The following PCTP variants were observed in gnomAD, a reference collection of about 807,000 sequenced individuals.
PCTP encodes phosphatidylcholine transfer protein, also known as START domain-containing protein 2.
A neutral mutation model predicts 31.0 loss-of-function variants in PCTP; 27 were observed. That is an observed-to-expected ratio of 0.87 (90% confidence interval 0.64 to 1.20). PCTP has a LOEUF of 1.20. Among genes scored for constraint, PCTP ranks in the 50% most tolerant of loss-of-function variants. The pLI, the probability that PCTP is intolerant of heterozygous loss-of-function variation, is 0.00. For synonymous variants in PCTP, 108 were observed against 101.2 expected (o/e 1.07, Z -0.40); for missense variants, 287 against 268.2 (o/e 1.07, Z -0.49).
chr17:55,789,081 A>T (rs1026631771), intron 3 of PCTP, among the ~76,000 whole-genome samples: 2 of 152,216 alleles, frequency 1.3e-5, no homozygotes, highest in African/African-American at 2.4e-5. Flanking sequence ...GAGTAATTAT[A>T]TTCACACTTT....
intron 1 of PCTP, among the ~76,000 whole-genome samples, chr17:55,766,026 A>T (rs927767048): frequency 6.6e-6 from 1 of 152,230 alleles, no homozygotes; most frequent in East Asian, 1.9e-4. Context: ...TCACCTGATT[A>T]CATAGATGTC....
downstream of PCTP, among the ~76,000 whole-genome samples, chr17:55,843,924 A>G (rs1906064600): frequency 6.6e-6 from 1 of 152,206 alleles, no homozygotes; most frequent in Admixed American, 6.5e-5. Context: ...CACTAATGTC[A>G]GTGACAGAGA....
chr17:55,838,335 G>C (rs1905845406), intron 5 of PCTP, among the ~76,000 whole-genome samples: 1 of 150,510 alleles, frequency 6.6e-6, no homozygotes, highest in African/African-American at 2.5e-5. Context: ...TGCAATAGAG[G>C]TTGTCCCTAC....
At chr17:55,790,675 ACATT>A (rs1313657892) in intron 3 of PCTP, among the ~76,000 whole-genome samples, 1 of 151,698 alleles carries the variant, frequency 6.6e-6, no homozygotes, top group Non-Finnish European at 1.5e-5. Context: ...AAATGGAAGA[ACATT>A]CCATGCACAT....
chr17:55,831,389 A>C (rs1905590435), intron 5 of PCTP, among the ~76,000 whole-genome samples: 1 of 152,192 alleles, frequency 6.6e-6, no homozygotes, highest in Non-Finnish European at 1.5e-5. Context: ...AAGGCTGGAC[A>C]ACTGAGGAGG....
At chr17:55,774,723 C>T in intron 4 of PCTP, 69 bp from the exon 5 acceptor site, 1 of 1,263,032 alleles carries the variant, frequency 7.9e-7, no homozygotes, top group East Asian at 2.3e-5. Context: ...ATAAAGTTTG[C>T]ACAGTTTTGT....
chr17:55,774,684 C>T (rs1290778090), intron 4 of PCTP, 108 bp from the exon 5 acceptor site: 4 of 890,740 alleles, frequency 4.5e-6, no homozygotes, highest in African/African-American at 1.6e-5. Flanking sequence ...CTACCTCCCT[C>T]TGCAGTTTCT....
chr17:55,757,859 A>G lies in PCTP; in HGVS notation c.141+6615A>G, dbSNP rs140434964. Among the ~76,000 whole-genome samples, 786 of 152,264 alleles carry G rather than the reference A, an allele frequency of 5.2e-3. 8 individuals are homozygous for G. Among genetic ancestry groups the G allele is most frequent in the African/African-American group, 0.018 (731 of 41,548 alleles). ...TAGAGATGAGATGCAATGGAAATTG[A>G]AAGATGAAAGTGAGACCAAAAAATG... is the stretch of plus-strand genomic sequence containing the variant. On this transcript the variant is annotated intron_variant, in intron 1 of 5. Coordinates refer to ENST00000268896, the MANE Select transcript of PCTP (RefSeq NM_021213.4).
At chr17:55,822,661 G>T in intron 3 of PCTP, 1 of 492,174 alleles carries the variant, frequency 2.0e-6, no homozygotes, top group South Asian at 1.1e-4. Flanking sequence ...ATCCTTCCAT[G>T]ACTATCCAAA....
chr17:55,801,858 T>C (rs1188139256), intron 3 of PCTP, among the ~76,000 whole-genome samples: 3 of 151,752 alleles, frequency 2.0e-5, no homozygotes, highest in Non-Finnish European at 2.9e-5. Flanking sequence ...AAGAAATAAC[T>C]AAGATCAGAG....
chr17:55,851,110 G>T, the PCTP span, among the ~76,000 whole-genome samples: 1 of 152,128 alleles, frequency 6.6e-6, no homozygotes, highest in Non-Finnish European at 1.5e-5. Flanking sequence ...TATGAAAATG[G>T]ACTAGGGCAA....
downstream of PCTP, among the ~76,000 whole-genome samples, chr17:55,823,344 T>TA (rs1263220750): frequency 1.3e-5 from 2 of 152,236 alleles, no homozygotes; most frequent in Non-Finnish European, 2.9e-5. Context: ...ATTGACAGAA[T>TA]ATTCTACACC....
Position 55,774,954 on chromosome 17 carries a change from A to T in PCTP, c.579+95A>T. 7 of 1,339,470 alleles carry T rather than the reference A, an allele frequency of 5.2e-6. No individual in the cohort carries two copies. The South Asian group carries it at 8.2e-5, about 16-fold the overall frequency. 83.0% of individuals were successfully genotyped at this position (1,339,470 alleles called of 1,614,324 possible). A position where few individuals can be genotyped will look rare whatever the true frequency, so the allele number is the denominator to read the frequency against. On this transcript the variant is annotated intron_variant, in intron 5 of 5. Transcript: ENST00000268896. ...CGGGGCTGTCAGGCTGAAGAGACACATTGTCTCAGGCGTAATGAGGCTCTT... is the reference window on the plus strand; with the variant it reads ...CGGGGCTGTCAGGCTGAAGAGACACTTTGTCTCAGGCGTAATGAGGCTCTT...
At chr17:55,786,396 T>G (rs543377815) in intron 2 of PCTP, among the ~76,000 whole-genome samples, 2 of 152,204 alleles carry the variant, frequency 1.3e-5, no homozygotes, top group African/African-American at 4.8e-5. Context: ...AGATACCTAA[T>G]GTAAATGATG....
Position 55,776,701 on chromosome 17 carries a change from C to T in PCTP, c.*601C>T. 8.2e-7 allele frequency: 1 copy of T among 1,212,216 alleles called. No individual in the cohort carries two copies. Among genetic ancestry groups the T allele is most frequent in the Non-Finnish European group, 1.0e-6 (1 of 975,984 alleles). 75.1% of individuals were successfully genotyped at this position (1,212,216 alleles called of 1,614,324 possible). On this transcript the variant is annotated 3_prime_UTR_variant, in exon 6 of 6. Transcript: ENST00000268896. ...ATAATCCAGTAAGTCTTTCCTCGTT[C>T]CTACTTGTGGAGGATCAGTAGCTGT... is the stretch of plus-strand genomic sequence containing the variant.
chr17:55,816,319 GTCTGGATATTTCTCTATGAAATAT>G (rs1036235560), intron 3 of PCTP, among the ~76,000 whole-genome samples: 54 of 152,230 alleles, frequency 3.5e-4, no homozygotes, highest in African/African-American at 5.1e-4. Flanking sequence ...CTATGAAATT[GTCTGGATATTTCTCTATGAAATAT>G]TCTGGATATT....
intron 3 of PCTP, among the ~76,000 whole-genome samples, chr17:55,801,759 G>C (rs1252401862): frequency 2.6e-5 from 4 of 152,176 alleles, no homozygotes; most frequent in Non-Finnish European, 2.9e-5. Context: ...ACAGGAGAAA[G>C]TGGGCAAGAT....
chr17:55,845,404 C>T (rs73990971), downstream of PCTP, among the ~76,000 whole-genome samples: 3,778 of 152,246 alleles, frequency 0.025, 136 homozygotes, highest in African/African-American at 0.085. Flanking sequence ...GCCCTAGCGT[C>T]TCTCCATCCC....
At chr17:55,848,083 C>A in the PCTP span, among the ~76,000 whole-genome samples, 1 of 152,060 alleles carries the variant, frequency 6.6e-6, no homozygotes, top group Non-Finnish European at 1.5e-5. Flanking sequence ...CCACCACACC[C>A]GGCTAATTTT....
Sources: gnomAD v4.1 joint callset for allele counts (sites outside exome capture counted in the v4.1 genomes callset) on GRCh38, gnomAD v4.1.1 for gene constraint, MANE v1.5 for transcripts, NCBI Gene and HGNC (gene_info 2026-07-23, HGNC 2026-07-21) for gene names.